Variants in FREM3 observed in about 807,000 individuals in gnomAD.
FREM3 encodes the protein FRAS1-related extracellular matrix protein 3.
In FREM3, 105 loss-of-function variants were observed where a neutral mutation model predicts 129.1. That is an observed-to-expected ratio of 0.81 (90% CI 0.69 to 0.96). FREM3 has a LOEUF of 0.96. FREM3 is among the 40% of genes least tolerant of loss of function. The pLI is 0.00. For synonymous variants in FREM3, 1,014 were observed against 1,044.9 expected, an observed-to-expected ratio of 0.97 and a Z score of 0.57; for missense variants, 2,593 against 2,666.3, an observed-to-expected ratio of 0.97 and a Z score of 0.61.
intron 6 of FREM3, among the ~76,000 whole-genome samples, chr4:143,599,563 G>A (rs1253191757): frequency 6.6e-6 from 1 of 152,154 alleles, no homozygotes. Context: ...AGAGGATTAT[G>A]GTAGGAGGTG....
chr4:143,613,909 C>T (rs577067331), intron 5 of FREM3, among the ~76,000 whole-genome samples: 19 of 152,248 alleles, frequency 1.2e-4, no homozygotes, highest in African/African-American at 4.6e-4. Context: ...CAATATATGT[C>T]ACCTAATGAA....
At chr4:143,656,858 T>C (rs1380366583) in intron 2 of FREM3, among the ~76,000 whole-genome samples, 2 of 152,136 alleles carry the variant, frequency 1.3e-5, no homozygotes, top group Non-Finnish European at 2.9e-5. Flanking sequence ...ATAGTATGTA[T>C]TTTCATGTAA....
rs1374276717 is a variant in FREM3, at chr4:143,696,212, T to A, written c.4464A>T (p.Gln1488His). 45 of 1,537,726 alleles carry A rather than the reference T, an allele frequency of 2.9e-5. No homozygotes were observed. The highest frequency in any genetic ancestry group is 1.7e-4 in the Middle Eastern group (1 of 6,018). The part of the protein sequence containing the change: ...YAGEPIASFT[Q>H]LQLASNKISY... The stretch of plus-strand genomic sequence containing the variant: ...ATATTTTGTTGCTAGCCAATTGAAG[T>A]TGAGTGAAAGAGGCAATGGGTTCCC... Residue 1488 changes from glutamine (Q) to histidine (H), a missense_variant, in exon 1 of 8, where the codon CAA becomes CAT. By Grantham distance (24) the Gln-to-His change is conservative. Coordinates refer to ENST00000329798, the MANE Select transcript of FREM3 (RefSeq NM_001168235.2).
chr4:143,625,518 A>G (rs896711014), intron 3 of FREM3, among the ~76,000 whole-genome samples: 1 of 152,232 alleles, frequency 6.6e-6, no homozygotes, highest in Non-Finnish European at 1.5e-5. Context: ...AGCCTGCATT[A>G]ATATTAGTTT....
intron 2 of FREM3, among the ~76,000 whole-genome samples, chr4:143,642,915 A>T (rs576379676): frequency 6.6e-6 from 1 of 152,300 alleles, no homozygotes; most frequent in African/African-American, 2.4e-5. Flanking sequence ...AACAGCAAAA[A>T]AACACAAACA....
chr4:143,670,598 C>T lies in FREM3; in HGVS notation c.5275+22515G>A, dbSNP rs1049492951. ...AGCAAAACGACGTTTTTAAAATTGA[C>T]GTATGTGGCAATCAGGATATTTAGC... On this transcript the variant is annotated intron_variant, in intron 2 of 7. Coordinates refer to ENST00000329798, the MANE Select transcript of FREM3 (RefSeq NM_001168235.2). 2.6e-5 allele frequency among the ~76,000 whole-genome samples: 4 copies of T among 151,952 alleles called. No homozygotes were observed. The South Asian group carries it at 6.2e-4, about 24-fold the overall frequency.
At chr4:143,614,471 C>T (rs988045021) in intron 5 of FREM3, among the ~76,000 whole-genome samples, 1 of 152,168 alleles carries the variant, frequency 6.6e-6, no homozygotes, top group Non-Finnish European at 1.5e-5. Flanking sequence ...AGTGAAGAGG[C>T]TTCAAGGAGT....
chr4:143,695,777 A>G lies in FREM3; in HGVS notation c.4899T>C (p.Tyr1633=), dbSNP rs1470680266. 2.0e-6 allele frequency: 3 copies of G among 1,537,194 alleles called. No homozygotes were observed. The highest frequency in any genetic ancestry group is 1.4e-5 in the African/African-American group (1 of 73,054). Residue 1633 remains tyrosine (Y), a synonymous_variant, in exon 1 of 8, where the codon TAT becomes TAC. Coordinates refer to ENST00000329798, the MANE Select transcript of FREM3 (RefSeq NM_001168235.2). The part of the protein sequence containing the change: ...TVTDGTHTDF[Y]VLPDTALATH... ...TCGCCAGGGCAGTGTCTGGTAGGAC[A>G]TAGAAATCAGTGTGAGTGCCGTCTG...
At chr4:143,632,554 A>T (rs1294268235) in intron 2 of FREM3, among the ~76,000 whole-genome samples, 1 of 152,172 alleles carries the variant, frequency 6.6e-6, no homozygotes, top group Admixed American at 6.5e-5. Context: ...AGTACCTATC[A>T]ATCAGTACTT....
chr4:143,597,948 T>C (rs554391251), intron 6 of FREM3, among the ~76,000 whole-genome samples: 2 of 152,312 alleles, frequency 1.3e-5, no homozygotes, highest in Admixed American at 6.5e-5. Flanking sequence ...CATCTGGTAA[T>C]GGTCCACCTT....
At chr4:143,645,981 T>A (rs992823744) in intron 2 of FREM3, among the ~76,000 whole-genome samples, 1 of 152,246 alleles carries the variant, frequency 6.6e-6, no homozygotes, top group Non-Finnish European at 1.5e-5. Flanking sequence ...GAGCATTTTG[T>A]ATATGTATTC....
At chr4:143,614,737 T>C (rs534810373) in intron 5 of FREM3, among the ~76,000 whole-genome samples, 1 of 152,344 alleles carries the variant, frequency 6.6e-6, no homozygotes, top group African/African-American at 2.4e-5. Flanking sequence ...GGTGATGTGC[T>C]CTCCAAACAA....
intron 2 of FREM3, among the ~76,000 whole-genome samples, chr4:143,629,221 T>A (rs1055994984): frequency 2.0e-5 from 3 of 152,090 alleles, no homozygotes; most frequent in Non-Finnish European, 2.9e-5. Flanking sequence ...CCTTATCTCC[T>A]CTCTTTCTAG....
Position 143,697,973 on chromosome 4 carries a change from A to G in FREM3, c.2703T>C (p.Ser901=), listed in dbSNP as rs1740611273. ...MQADVINGSV[S]YQHGRDQTTT... ...TCGTCTGGTCTCTGCCATGCTGGTA[A>G]GAGACACTCCCGTTAATAACATCAG... The change falls in exon 1 of 8, where the codon TCT becomes TCC. Residue 901 remains serine (S), a synonymous_variant. Coordinates refer to ENST00000329798, the MANE Select transcript of FREM3 (RefSeq NM_001168235.2). 1.3e-6 allele frequency: 2 copies of G among 1,537,640 alleles called. No individual in the cohort carries two copies. The highest frequency in any genetic ancestry group is 4.9e-5 in the East Asian group (2 of 40,918).
At chr4:143,598,199 T>A (rs778309086) in intron 6 of FREM3, among the ~76,000 whole-genome samples, 1 of 151,870 alleles carries the variant, frequency 6.6e-6, no homozygotes, top group Non-Finnish European at 1.5e-5. Flanking sequence ...GCATCTAGAG[T>A]ATAGTGGGTT....
intron 6 of FREM3, among the ~76,000 whole-genome samples, chr4:143,591,102 T>C (rs1738352010): frequency 6.6e-6 from 1 of 152,214 alleles, no homozygotes. Flanking sequence ...TGTCATTTTT[T>C]ATTGCGTCTA....
chr4:143,663,579 C>T (rs541784115), intron 2 of FREM3, among the ~76,000 whole-genome samples: 39 of 152,080 alleles, frequency 2.6e-4, no homozygotes, highest in African/African-American at 7.2e-4. Flanking sequence ...TTGCTCTTCT[C>T]GAGGCGTATC....
chr4:143,592,208 T>G (rs567544458), intron 6 of FREM3, among the ~76,000 whole-genome samples: 32 of 152,334 alleles, frequency 2.1e-4, no homozygotes, highest in African/African-American at 7.7e-4. Context: ...TGCCAGTCTG[T>G]GTCTTTTAAT....
rs935182737 is a variant in FREM3 at position 143,700,523 on chromosome 4, C to T, written c.153G>A (p.Ala51=). ...DPALYLPARG[A]LDGTRPDGPS... is the part of the protein sequence containing the mutation. ...GGCCGTCGGGGCGAGTGCCGTCAAG[C>T]GCACCCCGGGCGGGCAGGTAAAGCG... Residue 51 remains alanine (A), a synonymous_variant, in exon 1 of 8, where the codon GCG becomes GCA. Coordinates refer to ENST00000329798, the MANE Select transcript of FREM3 (RefSeq NM_001168235.2). 3.3e-5 allele frequency: 50 copies of T among 1,518,828 alleles called. No individual in the cohort carries two copies. Among genetic ancestry groups the T allele is most frequent in the Non-Finnish European group, 3.1e-5 (35 of 1,136,594 alleles). 94.1% of individuals were successfully genotyped at this position (1,518,828 alleles called of 1,614,324 possible).
Sources: allele counts gnomAD v4.1 joint callset (sites outside exome capture counted in the v4.1 genomes callset), GRCh38; gene constraint gnomAD v4.1.1; transcripts MANE v1.5; gene names NCBI Gene and HGNC (gene_info 2026-07-23, HGNC 2026-07-21).